The following EYS variants were observed in gnomAD, a reference collection of about 807,000 sequenced individuals.
EYS encodes the protein EGF-like photoreceptor maintenance factor, also known as protein eyes shut homolog.
EYS carries 250 observed loss-of-function variants against 282.1 expected under a neutral mutation model. The observed-to-expected ratio is 0.89, with a 90% CI of 0.80 to 0.98. The LOEUF (loss-of-function observed/expected upper bound fraction) is 0.98. EYS is among the 50% of genes least tolerant of loss of function. The pLI, the probability that EYS is intolerant of heterozygous loss-of-function variation, is 0.00. For synonymous variants in EYS, 1,355 were observed against 1,282.9 expected (o/e 1.06, Z -1.20); for missense variants, 4,016 against 3,709.0 (o/e 1.08, Z -2.15).
intron 2 of EYS, among the ~76,000 whole-genome samples, chr6:65,497,060 T>C (rs1562223183): frequency 6.6e-6 from 1 of 152,066 alleles, no homozygotes; most frequent in East Asian, 1.9e-4. Flanking sequence ...TAATTCAATG[T>C]TCTACATAAT....
chr6:65,017,283 T>C (rs1164074241), intron 13 of EYS, among the ~76,000 whole-genome samples: 1 of 152,224 alleles, frequency 6.6e-6, no homozygotes, highest in Non-Finnish European at 1.5e-5. Flanking sequence ...GTACTTATTT[T>C]ACTCTGAGAA....
In EYS at chr6:65,140,172, CAAAG is replaced by C. The variant is rs557329904; in HGVS notation, c.2024-82449_2024-82446del. Among the ~76,000 whole-genome samples, 777 of 151,496 alleles carry C rather than the reference CAAAG, an allele frequency of 5.1e-3. 8 individuals carry two copies. Among genetic ancestry groups the C allele is most frequent in the Non-Finnish European group, 7.5e-3 (512 of 67,876 alleles). ...AAAATAAAAAATTAGAAAGTCTCAG[CAAAG>C]AAATATAAGATATTAAGAAGAATGA... On this transcript the variant is annotated intron_variant, in intron 12 of 42. Coordinates refer to ENST00000503581, the MANE Select transcript of EYS (RefSeq NM_001142800.2).
intron 40 of EYS, among the ~76,000 whole-genome samples, chr6:63,774,869 T>G (rs1294350767): frequency 7.3e-6 from 1 of 136,550 alleles, no homozygotes. Context: ...TGGAATCAAA[T>G]AGCCATTTAA....
At chr6:65,047,517 T>C (rs1205232044) in intron 13 of EYS, among the ~76,000 whole-genome samples, 1 of 151,978 alleles carries the variant, frequency 6.6e-6, no homozygotes, top group Non-Finnish European at 1.5e-5. Context: ...CATTTAAATC[T>C]ATGACCATTT....
chr6:63,846,055 A>G (rs1252236998), intron 36 of EYS, among the ~76,000 whole-genome samples: 1 of 152,214 alleles, frequency 6.6e-6, no homozygotes, highest in East Asian at 1.9e-4. Flanking sequence ...GAAACTGGCA[A>G]CATTGTAAAG....
rs60684321 is a variant in EYS, at chr6:64,989,394, AATATAT to A, written c.2259+8182_2259+8187del. ...AAGAGGCTATTTACTGGCTAGCTGT[AATATAT>A]ATATATATATATATATGAATATATA... On this transcript the variant is annotated intron_variant, in intron 14 of 42. Coordinates refer to ENST00000503581, the MANE Select transcript of EYS (RefSeq NM_001142800.2). Among the ~76,000 whole-genome samples the A allele has an allele frequency of 5.7e-5, 4 of 69,724 alleles. 1 individual carries two copies. The highest frequency in any genetic ancestry group is 1.5e-4 in the African/African-American group (2 of 13,140). The allele number at this position is 69,724 out of a possible 152,430, so 45.7% of individuals were successfully genotyped here.
At chr6:65,234,442 C>A (rs887362005) in intron 12 of EYS, among the ~76,000 whole-genome samples, 3 of 152,148 alleles carry the variant, frequency 2.0e-5, no homozygotes, top group Non-Finnish European at 4.4e-5. Flanking sequence ...TCTTCTCTAC[C>A]AGTGAGGGCT....
chr6:64,969,292 C>G (rs986655060), intron 14 of EYS, among the ~76,000 whole-genome samples: 8 of 152,130 alleles, frequency 5.3e-5, no homozygotes, highest in Non-Finnish European at 1.2e-4. Context: ...ACTGTTAAAA[C>G]TTGCTACTAG....
At chr6:64,343,811 C>A (rs918933858) in intron 29 of EYS, among the ~76,000 whole-genome samples, 14 of 151,324 alleles carry the variant, frequency 9.3e-5, no homozygotes, top group African/African-American at 2.4e-4. Context: ...GACTGCTAGC[C>A]AGACTAATAA....
chr6:65,040,144 CCCTGA>C (rs1049713435), intron 13 of EYS, among the ~76,000 whole-genome samples: 4 of 151,660 alleles, frequency 2.6e-5, no homozygotes, highest in Admixed American at 1.3e-4. Flanking sequence ...TATACAGAAT[CCCTGA>C]CCTCTACCTT....
chr6:63,938,618 T>C (rs1234557067), intron 35 of EYS, among the ~76,000 whole-genome samples: 2 of 152,278 alleles, frequency 1.3e-5, no homozygotes, highest in Non-Finnish European at 2.9e-5. Flanking sequence ...TAAATGATTC[T>C]ATAAACTTTT....
At chr6:64,907,683 A>C (rs1363636036) in intron 16 of EYS, among the ~76,000 whole-genome samples, 2 of 152,168 alleles carry the variant, frequency 1.3e-5, no homozygotes, top group East Asian at 3.9e-4. Context: ...AACATCTGGC[A>C]GAAAGAGAAG....
At chr6:63,863,663 CTTTTCTTTTTTCT>C (rs1468406147) in intron 36 of EYS, among the ~76,000 whole-genome samples, 3,546 of 55,294 alleles carry the variant, frequency 0.064, 214 homozygotes, top group East Asian at 0.21. Context: ...CTTTTCTTTT[CTTTTCTTTTTTCT>C]TTTTTTTTTT....
rs1341862225 is a variant in EYS at position 64,591,717 on chromosome 6, A to G, written c.4150T>C (p.Phe1384Leu). ...GGGGTCCTTGCTCTCCTATCAGGAA[A>G]AAAGAAACCTAGTGTGGCTGCTGAA... ...RTSAATLGFF[F>L]PDRRARTPFI... The change falls in exon 26 of 43, where the codon TTT becomes CTT. Residue 1384 changes from phenylalanine to leucine, a missense_variant. By Grantham distance (22) the Phe-to-Leu change is conservative. Transcript: ENST00000503581. The G allele has an allele frequency of 6.4e-7, 1 of 1,551,258 alleles. No individual in the cohort carries two copies. The highest frequency in any genetic ancestry group is 1.4e-5 in the African/African-American group (1 of 73,018).
chr6:63,983,925 A>C (rs961641831), intron 35 of EYS, among the ~76,000 whole-genome samples: 1 of 151,818 alleles, frequency 6.6e-6, no homozygotes. Flanking sequence ...AAGAGAAAAC[A>C]GATATAGGTA....
At chr6:63,909,672 G>C (rs1178410504) in intron 35 of EYS, among the ~76,000 whole-genome samples, 1 of 152,168 alleles carries the variant, frequency 6.6e-6, no homozygotes, top group Non-Finnish European at 1.5e-5. Flanking sequence ...GCAGAGAGCT[G>C]CTTGTTAAAC....
At chr6:65,619,245 G>T (rs1367452744) in intron 2 of EYS, among the ~76,000 whole-genome samples, 3 of 151,382 alleles carry the variant, frequency 2.0e-5, no homozygotes, top group African/African-American at 7.3e-5. Context: ...GTGGTTTGTA[G>T]TTCTCCTTGA....
chr6:65,141,767 G>A (rs1764351597), intron 12 of EYS, among the ~76,000 whole-genome samples: 1 of 146,586 alleles, frequency 6.8e-6, no homozygotes, highest in Non-Finnish European at 1.5e-5. Flanking sequence ...CAGAAGTTCG[G>A]GGGCAAGAGT....
At chr6:65,590,992 C>T (rs988916819) in intron 2 of EYS, among the ~76,000 whole-genome samples, 5 of 151,854 alleles carry the variant, frequency 3.3e-5, no homozygotes, top group African/African-American at 1.2e-4. Context: ...AATATATACC[C>T]AGTGCTGGGA....
Sources: gnomAD v4.1 joint callset for allele counts (sites outside exome capture counted in the v4.1 genomes callset) on GRCh38, gnomAD v4.1.1 for gene constraint, MANE v1.5 for transcripts, NCBI Gene and HGNC (gene_info 2026-07-23, HGNC 2026-07-21) for gene names.